ANXA8: variants seen among roughly 807,000 people sequenced by gnomAD.
ANXA8 encodes annexin A8, also known as VAC-beta.
Under a neutral mutation model 26.8 loss-of-function variants are expected in ANXA8, and 9 were observed. That is an observed-to-expected ratio of 0.34 (90% CI 0.20 to 0.59). The LOEUF (loss-of-function observed/expected upper bound fraction) is 0.59, where lower values mean the gene tolerates loss of function less well. ANXA8 is among the 20% of genes least tolerant of loss of function. The pLI, the probability that ANXA8 is intolerant of heterozygous loss-of-function variation, is 0.84. For synonymous variants in ANXA8, 39 were observed against 94.8 expected (o/e 0.41, Z 3.42); for missense variants, 83 against 238.5 (o/e 0.35, Z 4.29).
At chr10:47,895,025 C>G in the ANXA8 span, among the ~76,000 whole-genome samples, 1 of 79,498 alleles carries the variant, frequency 1.3e-5, no homozygotes, top group African/African-American at 4.3e-5. Flanking sequence ...ACGCACACAT[C>G]CACACAATAT....
the ANXA8 span, chr10:47,757,381 A>AG: frequency 6.0e-6 from 2 of 331,972 alleles, no homozygotes; most frequent in Non-Finnish European, 8.3e-6. Flanking sequence ...CAAGTGCTGA[A>AG]GGGGTCACAG....
At chr10:47,896,943 C>T in the ANXA8 span, among the ~76,000 whole-genome samples, 6 of 117,330 alleles carry the variant, frequency 5.1e-5, no homozygotes, top group Non-Finnish European at 3.6e-5. Context: ...TTTATTTTTA[C>T]TTTTTGAGAT....
the ANXA8 span, among the ~76,000 whole-genome samples, chr10:47,639,888 C>T: frequency 2.1e-5 from 3 of 144,994 alleles, no homozygotes; most frequent in Admixed American, 6.8e-5. Context: ...AGAAATCCTT[C>T]GACCTCAGCC....
At chr10:47,604,787 T>G in the ANXA8 span, among the ~76,000 whole-genome samples, 196 of 152,160 alleles carry the variant, frequency 1.3e-3, no homozygotes, top group African/African-American at 4.4e-3. Context: ...TGACAGTGGA[T>G]AAGCATGGGA....
At chr10:47,687,335 A>G in the ANXA8 span, among the ~76,000 whole-genome samples, 5 of 150,654 alleles carry the variant, frequency 3.3e-5, no homozygotes, top group African/African-American at 7.3e-5. Context: ...CAGTGGCACG[A>G]TCTTGGCTCA....
chr10:47,553,083 A>T, the ANXA8 span, among the ~76,000 whole-genome samples: 129 of 152,050 alleles, frequency 8.5e-4, no homozygotes, highest in African/African-American at 3.0e-3. Context: ...TTGAAACTGA[A>T]TAGCTGTGTG....
At chr10:47,526,440 C>A in the ANXA8 span, among the ~76,000 whole-genome samples, 444 of 135,468 alleles carry the variant, frequency 3.3e-3, 61 homozygotes, top group African/African-American at 0.013. Flanking sequence ...TTTAAAATGC[C>A]TCCCCTTCTT....
At chr10:47,960,758 CAGTGAT>C in the ANXA8 span, among the ~76,000 whole-genome samples, 1 of 145,220 alleles carries the variant, frequency 6.9e-6, no homozygotes, top group Non-Finnish European at 1.5e-5. Flanking sequence ...GCCCCCCCAA[CAGTGAT>C]AGTCACCTCA....
chr10:47,535,163 AG>A, the ANXA8 span, among the ~76,000 whole-genome samples: 20 of 127,556 alleles, frequency 1.6e-4, 2 homozygotes, highest in Admixed American at 3.1e-4. Context: ...TAGTAGAGAC[AG>A]GGTTTCACCA....
At chr10:47,579,929 A>C in the ANXA8 span, among the ~76,000 whole-genome samples, 1 of 147,294 alleles carries the variant, frequency 6.8e-6, no homozygotes, top group African/African-American at 2.6e-5. Context: ...CAAACTAATA[A>C]AATTGAAGGA....
chr10:47,673,152 A>G, the ANXA8 span, among the ~76,000 whole-genome samples: 3 of 151,580 alleles, frequency 2.0e-5, no homozygotes, highest in African/African-American at 7.3e-5. Context: ...CCAAAGAGCA[A>G]GTATGCACCC....
At chr10:47,988,710 G>T in the ANXA8 span, among the ~76,000 whole-genome samples, 44 of 150,330 alleles carry the variant, frequency 2.9e-4, no homozygotes, top group Middle Eastern at 6.9e-3. Flanking sequence ...ATTGACTGGG[G>T]AAGCTTTCTT....
the ANXA8 span, among the ~76,000 whole-genome samples, chr10:47,681,491 C>G: frequency 7.0e-6 from 1 of 142,830 alleles, no homozygotes; most frequent in Non-Finnish European, 1.5e-5. Context: ...TTCATGATTA[C>G]TAGTCTTAAA....
chr10:47,563,748 A>G, the ANXA8 span: 1 of 830,702 alleles, frequency 1.2e-6, no homozygotes, highest in South Asian at 1.3e-5. Context: ...CAAACATGTT[A>G]CTGTTAAGAT....
chr10:47,511,164 C>T, the ANXA8 span, among the ~76,000 whole-genome samples: 5 of 134,738 alleles, frequency 3.7e-5, no homozygotes, highest in African/African-American at 1.2e-4. Flanking sequence ...AGGATGGTCT[C>T]GATCTCCTCA....
the ANXA8 span, chr10:47,581,702 G>C: frequency 3.6e-6 from 1 of 277,682 alleles, no homozygotes; most frequent in African/African-American, 2.3e-5. Context: ...TGCCTCCTGG[G>C]TTCATGCCAT....
the ANXA8 span, among the ~76,000 whole-genome samples, chr10:47,553,832 C>T: frequency 2.7e-5 from 4 of 149,024 alleles, no homozygotes; most frequent in Non-Finnish European, 4.4e-5. Context: ...TACTTGATGC[C>T]GTGCAAAAGC....
chr10:47,513,324 T>C, the ANXA8 span, among the ~76,000 whole-genome samples: 1 of 142,374 alleles, frequency 7.0e-6, no homozygotes, highest in Non-Finnish European at 1.5e-5. Context: ...TGAGCCACCG[T>C]GCCTGGCCCG....
At chr10:47,733,304 C>A in the ANXA8 span, among the ~76,000 whole-genome samples, 1 of 89,178 alleles carries the variant, frequency 1.1e-5, no homozygotes, top group African/African-American at 4.7e-5. Context: ...TCTTTTTTTT[C>A]TTTCTCTCTC....
Sources: allele counts gnomAD v4.1 joint callset (sites outside exome capture counted in the v4.1 genomes callset), GRCh38; gene constraint gnomAD v4.1.1; transcripts MANE v1.5; gene names NCBI Gene and HGNC (gene_info 2026-07-23, HGNC 2026-07-21).